AHCY: variants seen among roughly 807,000 people sequenced by gnomAD.
AHCY encodes the protein S-adenosyl-L-homocysteine hydrolase.
In AHCY, 24 loss-of-function variants were observed where a neutral mutation model predicts 45.4. The ratio of observed to expected loss-of-function variants is 0.53; its 90% CI spans 0.38 to 0.74. AHCY has a LOEUF of 0.74. Ranked by LOEUF, AHCY falls within the 30% of genes least tolerant of loss-of-function variation. The probability of loss-of-function intolerance (pLI) is 0.00; values close to 1 mark genes in which losing one functional copy is unlikely to be tolerated. For missense variants in AHCY, 449 were observed against 594.1 expected, an observed-to-expected ratio of 0.76 and a Z score of 2.54; for synonymous variants, 245 against 235.1, an observed-to-expected ratio of 1.04 and a Z score of -0.39.
intron 1 of AHCY, among the ~76,000 whole-genome samples, chr20:34,309,504 A>G (rs1293305774): frequency 6.6e-6 from 1 of 152,188 alleles, no homozygotes; most frequent in African/African-American, 2.4e-5. Context: ...CTCCTCTCTT[A>G]AAATAAAAAA....
In AHCY at chr20:34,303,145, G is replaced by A. The variant is rs1341673923; in HGVS notation, c.28+98C>T. ...ACGCGCCGAGGCTGCGATTCCAGGGGGTCCAGAGAGCCCCGAGTCGGCCCT... is the reference window on the plus strand; with the variant it reads ...ACGCGCCGAGGCTGCGATTCCAGGGAGTCCAGAGAGCCCCGAGTCGGCCCT... On this transcript the variant is annotated intron_variant, in intron 1 of 9. Coordinates refer to ENST00000217426, the MANE Select transcript of AHCY (RefSeq NM_000687.4). 4 of 1,534,820 alleles carry A rather than the reference G, an allele frequency of 2.6e-6. No homozygotes were observed. In the East Asian group the frequency reaches 9.9e-5, roughly 38 times the overall value.
rs958546383 is a variant in AHCY, at chr20:34,292,074, T to C, written c.445+284A>G. On this transcript the variant is annotated intron_variant, in intron 4 of 9. Coordinates refer to ENST00000217426, the MANE Select transcript of AHCY (RefSeq NM_000687.4). ...CTCCAGCCATTCCTGCCTCAGGGCC[T>C]CTGCACTCTGCGTACCTGCTTTGAA... 3.3e-5 allele frequency among the ~76,000 whole-genome samples: 5 copies of C among 152,232 alleles called. No individual in the cohort carries two copies. In the East Asian group the frequency reaches 9.6e-4, roughly 29 times the overall value.
At chr20:34,295,196 A>T in intron 2 of AHCY, 199 bp downstream of exon 2, 1 of 718,010 alleles carries the variant, frequency 1.4e-6, no homozygotes, top group Non-Finnish European at 2.4e-6. Context: ...CTTCCCAGCC[A>T]GGGAGAAAAT....
the AHCY span, chr20:34,269,173 C>T: frequency 2.0e-6 from 3 of 1,504,082 alleles, no homozygotes; most frequent in Non-Finnish European, 1.8e-6. Context: ...GCTGAGCGCC[C>T]CCACTCCCGG....
rs143931269 is a variant in AHCY at position 34,292,413 on chromosome 20, G to A, written c.390C>T (p.Asp130=). The part of the protein sequence containing the change: ...FKDGPLNMIL[D]DGGDLTNLIH... Reference sequence around the variant, plus strand: ...TGAGGTTGGTGAGGTCGCCCCCGTCGTCCAGAATCATGTTGAGGGGCCCGT... The same window carrying A: ...TGAGGTTGGTGAGGTCGCCCCCGTCATCCAGAATCATGTTGAGGGGCCCGT... Residue 130 remains aspartate (D), a synonymous_variant, in exon 4 of 10, where the codon GAC becomes GAT. Coordinates refer to ENST00000217426, the MANE Select transcript of AHCY (RefSeq NM_000687.4). The A allele has an allele frequency of 4.9e-4, 794 of 1,613,860 alleles. 2 individuals are homozygous for A. Among genetic ancestry groups the A allele is most frequent in the Non-Finnish European group, 6.2e-4 (732 of 1,180,036 alleles).
At chr20:34,300,670 G>T (rs1410517024) in intron 1 of AHCY, among the ~76,000 whole-genome samples, 3 of 152,246 alleles carry the variant, frequency 2.0e-5, no homozygotes, top group African/African-American at 7.2e-5. Flanking sequence ...GACTCAAATA[G>T]AGGCATAAGA....
the AHCY span, among the ~76,000 whole-genome samples, chr20:34,247,030 T>C: frequency 6.6e-6 from 1 of 152,124 alleles, no homozygotes; most frequent in South Asian, 2.1e-4. Flanking sequence ...TCTCACTCTA[T>C]CACCCAGGCT....
chr20:34,265,727 A>G, the AHCY span, among the ~76,000 whole-genome samples: 8 of 152,064 alleles, frequency 5.3e-5, no homozygotes, highest in Non-Finnish European at 8.8e-5. Context: ...AGGAGGGTGG[A>G]TCACCTTAGG....
At chr20:34,275,601 G>A (rs1422746382), downstream of AHCY, among the ~76,000 whole-genome samples, 1 of 152,024 alleles carries the variant, frequency 6.6e-6, no homozygotes, top group Non-Finnish European at 1.5e-5. Context: ...TCCAGTTAGT[G>A]TAAAACATGT....
the AHCY span, among the ~76,000 whole-genome samples, chr20:34,264,644 T>A: frequency 3.3e-5 from 5 of 152,116 alleles, no homozygotes; most frequent in Non-Finnish European, 7.3e-5. Flanking sequence ...AGACAATACA[T>A]CTTGTAAACA....
At chr20:34,262,786 C>T in the AHCY span, 21 of 1,609,050 alleles carry the variant, frequency 1.3e-5, no homozygotes, top group African/African-American at 4.0e-5. Flanking sequence ...TGCAGCTCAA[C>T]GTCCCCAGAA....
chr20:34,250,883 C>T, the AHCY span, among the ~76,000 whole-genome samples: 2 of 152,114 alleles, frequency 1.3e-5, no homozygotes, highest in East Asian at 1.9e-4. Context: ...CAATACTCTC[C>T]CCAGTGCTGT....
At chr20:34,282,666 T>A (rs1433594188) in intron 9 of AHCY, among the ~76,000 whole-genome samples, 1 of 152,186 alleles carries the variant, frequency 6.6e-6, no homozygotes, top group African/African-American at 2.4e-5. Context: ...AGCTAGTGAA[T>A]GACAGAGCTA....
At chr20:34,307,169 C>T (rs963215923), upstream of AHCY, among the ~76,000 whole-genome samples, 4 of 151,270 alleles carry the variant, frequency 2.6e-5, no homozygotes, top group African/African-American at 9.8e-5. Flanking sequence ...TCACAGCAAC[C>T]TCCACCTCTC....
chr20:34,308,786 T>C (rs2036919957), intron 1 of AHCY, among the ~76,000 whole-genome samples: 1 of 151,154 alleles, frequency 6.6e-6, no homozygotes, highest in South Asian at 2.1e-4. Context: ...CCTGAGTAGC[T>C]GGGATTACAA....
Position 34,290,787 on chromosome 20 carries a change from G to C in AHCY, c.710C>G (p.Ala237Gly). Reference protein sequence around the residue: ...GCAQALRGFGARVIITEIDPI... With the variant: ...GCAQALRGFGGRVIITEIDPI... ...GTCAATCTCGGTGATGATGACGCGGGCTCCGAAACCCCGCAGGGCCTGGGC... is the reference window on the plus strand; with the variant it reads ...GTCAATCTCGGTGATGATGACGCGGCCTCCGAAACCCCGCAGGGCCTGGGC... The change falls in exon 6 of 10, where the codon GCC (alanine) becomes GGC (glycine). Residue 237 changes from alanine to glycine, a missense_variant. Ala to Gly is a moderately conservative substitution (Grantham distance 60). Coordinates refer to ENST00000217426, the MANE Select transcript of AHCY (RefSeq NM_000687.4). The surrounding 1 kb of genome is among the most constrained non-coding windows in gnomAD (Gnocchi z 4.5). 6.2e-7 allele frequency: 1 copy of C among 1,613,926 alleles called. No individual in the cohort carries two copies. Among genetic ancestry groups the C allele is most frequent in the Non-Finnish European group, 8.5e-7 (1 of 1,179,992 alleles).
intron 1 of AHCY, among the ~76,000 whole-genome samples, chr20:34,300,304 C>T (rs1467456186): frequency 6.6e-6 from 1 of 152,226 alleles, no homozygotes; most frequent in Non-Finnish European, 1.5e-5. Flanking sequence ...GAGGGAGGCT[C>T]TTAAAAATTT....
At chr20:34,259,027 C>A in the AHCY span, among the ~76,000 whole-genome samples, 213 of 147,868 alleles carry the variant, frequency 1.4e-3, 1 homozygote, top group African/African-American at 5.1e-3. Flanking sequence ...ATAGAGTGAG[C>A]CTTCATCCCT....
chr20:34,271,884 T>A, the AHCY span, among the ~76,000 whole-genome samples: 98 of 152,248 alleles, frequency 6.4e-4, no homozygotes, highest in African/African-American at 2.3e-3. Context: ...TCACTTTTGA[T>A]GCTACCATTT....
Sources: allele counts gnomAD v4.1 joint callset (sites outside exome capture counted in the v4.1 genomes callset), GRCh38; gene constraint gnomAD v4.1.1; non-coding constraint Gnocchi (gnomAD v3.1); transcripts MANE v1.5; gene names NCBI Gene and HGNC (gene_info 2026-07-23, HGNC 2026-07-21).